The following KIAA1549L variants were observed in gnomAD, a reference collection of about 807,000 sequenced individuals.
KIAA1549L encodes UPF0606 protein KIAA1549L.
A neutral mutation model predicts 160.7 loss-of-function variants in KIAA1549L; 88 were observed. That is an observed-to-expected ratio of 0.55 (90% confidence interval 0.46 to 0.65). KIAA1549L has a LOEUF of 0.65. Among genes scored for constraint, KIAA1549L ranks in the 30% least tolerant of loss-of-function variants. KIAA1549L has a pLI of 0.00. For missense variants in KIAA1549L, 2,258 were observed against 2,437.5 expected (o/e 0.93, Z 1.55); for synonymous variants, 950 against 976.7 (o/e 0.97, Z 0.51).
chr11:33,488,776 GT>G (rs1852589127), intron 1 of KIAA1549L, among the ~76,000 whole-genome samples: 1 of 152,164 alleles, frequency 6.6e-6, no homozygotes, highest in Non-Finnish European at 1.5e-5. Flanking sequence ...ATGTGTCAGA[GT>G]TTCTCTCACC....
chr11:33,498,894 T>G (rs778737556), intron 1 of KIAA1549L, among the ~76,000 whole-genome samples: 1 of 152,188 alleles, frequency 6.6e-6, no homozygotes, highest in Non-Finnish European at 1.5e-5. Context: ...CCTAGATTTC[T>G]TCTTACGTTA....
intron 13 of KIAA1549L, among the ~76,000 whole-genome samples, chr11:33,602,011 T>G (rs1850379577): frequency 6.6e-6 from 1 of 152,196 alleles, no homozygotes; most frequent in Non-Finnish European, 1.5e-5. Context: ...TTTCTAAACA[T>G]GGAAAATATG....
chr11:33,591,167 A>G (rs1850039840), intron 11 of KIAA1549L, 70 bp from the exon 12 acceptor site: 6 of 1,157,920 alleles, frequency 5.2e-6, no homozygotes, highest in African/African-American at 3.1e-5. Context: ...GCTGCCTGTC[A>G]TCTCTTAAAG....
intron 1 of KIAA1549L, among the ~76,000 whole-genome samples, chr11:33,480,352 A>G (rs1852384048): frequency 6.6e-6 from 1 of 152,244 alleles, no homozygotes; most frequent in African/African-American, 2.4e-5. Flanking sequence ...GTGCTGTAGC[A>G]TGTATCAGAA....
intron 4 of KIAA1549L, among the ~76,000 whole-genome samples, chr11:33,550,636 A>G (rs1240965968): frequency 6.6e-6 from 1 of 152,130 alleles, no homozygotes; most frequent in African/African-American, 2.4e-5. Context: ...CACTTAATCT[A>G]TCATTTCTAC....
chr11:33,668,313 C>T lies in KIAA1549L; in HGVS notation c.*159C>T. The T allele has an allele frequency of 4.3e-6, 3 of 697,158 alleles. No homozygotes were observed. The highest frequency in any genetic ancestry group is 7.1e-6 in the Non-Finnish European group (3 of 424,872). 43.2% of individuals were successfully genotyped at this position (697,158 alleles called of 1,614,324 possible). On this transcript the variant is annotated 3_prime_UTR_variant, in exon 21 of 21. Transcript: ENST00000658780. ...CTATGGGGCTTCTGGGAACAGGAAACTCTTGAACGACTAGATTCTTGGCTC... is the reference window on the plus strand; with the variant it reads ...CTATGGGGCTTCTGGGAACAGGAAATTCTTGAACGACTAGATTCTTGGCTC...
intron 16 of KIAA1549L, among the ~76,000 whole-genome samples, chr11:33,644,525 C>T (rs1372075678): frequency 1.3e-5 from 2 of 152,240 alleles, no homozygotes; most frequent in South Asian, 2.1e-4. Flanking sequence ...ATGATGATGA[C>T]AGCAACTAGT....
At chr11:33,625,276 T>G (rs1564929674) in intron 16 of KIAA1549L, among the ~76,000 whole-genome samples, 1 of 152,064 alleles carries the variant, frequency 6.6e-6, no homozygotes. Context: ...ATATACCCAG[T>G]AATGGGATGG....
intron 1 of KIAA1549L, among the ~76,000 whole-genome samples, chr11:33,413,678 A>C (rs1047954287): frequency 2.6e-5 from 4 of 152,066 alleles, no homozygotes; most frequent in African/African-American, 9.7e-5. Context: ...TTTTTGGATA[A>C]ATTATTATTT....
intron 1 of KIAA1549L, among the ~76,000 whole-genome samples, chr11:33,488,462 C>T (rs770338405): frequency 3.9e-5 from 6 of 152,096 alleles, no homozygotes; most frequent in Non-Finnish European, 7.4e-5. Flanking sequence ...TAATTGAAGC[C>T]TCTAATTCTT....
intron 1 of KIAA1549L, among the ~76,000 whole-genome samples, chr11:33,467,651 C>T (rs1026532287): frequency 2.6e-5 from 4 of 152,222 alleles, no homozygotes; most frequent in African/African-American, 9.6e-5. Context: ...GTTTTATCTT[C>T]ACCGCTTTCT....
intron 16 of KIAA1549L, among the ~76,000 whole-genome samples, chr11:33,642,598 G>T (rs183276099): frequency 2.0e-4 from 31 of 151,724 alleles, no homozygotes; most frequent in Middle Eastern, 3.4e-3. Context: ...GAGTGGTTTG[G>T]GGGGGTGGAA....
In KIAA1549L at chr11:33,545,013, C is replaced by T; in HGVS notation, c.3020C>T (p.Thr1007Ile). The T allele has an allele frequency of 6.2e-7, 1 of 1,614,044 alleles. No individual in the cohort carries two copies. The highest frequency in any genetic ancestry group is 8.5e-7 in the Non-Finnish European group (1 of 1,179,890). ...GCAGTCCATACAGCCTTCCCATTCACACCAACCTACATGTATGCAAGAACA... is the reference window on the plus strand; with the variant it reads ...GCAGTCCATACAGCCTTCCCATTCATACCAACCTACATGTATGCAAGAACA... ...PGAVHTAFPF[T>I]PTYMYARTGH... is the part of the protein sequence containing the mutation. The change falls in exon 3 of 21, where the codon ACA (threonine) becomes ATA (isoleucine). Residue 1007 changes from threonine (T) to isoleucine (I), a missense_variant. Thr to Ile is a moderately conservative substitution (Grantham distance 89, BLOSUM62 -1). This residue lies in a region of KIAA1549L where 1,359 missense variants were observed against 1,546.6 expected (regional missense o/e 0.88). Coordinates refer to ENST00000658780, the MANE Select transcript of KIAA1549L (RefSeq NM_012194.3).
At chr11:33,434,763 G>A (rs921027621) in intron 1 of KIAA1549L, among the ~76,000 whole-genome samples, 2 of 152,210 alleles carry the variant, frequency 1.3e-5, no homozygotes, top group Admixed American at 1.3e-4. Flanking sequence ...GGGGCCAAAT[G>A]TAGCAACTTA....
At chr11:33,572,924 G>A (rs1855314063) in intron 9 of KIAA1549L, among the ~76,000 whole-genome samples, 1 of 152,206 alleles carries the variant, frequency 6.6e-6, no homozygotes. Context: ...AAACAGACAG[G>A]TGTTCCAGTT....
intron 1 of KIAA1549L, among the ~76,000 whole-genome samples, chr11:33,540,656 T>C (rs149429586): frequency 0.017 from 2,591 of 152,318 alleles, 37 homozygotes; most frequent in Non-Finnish European, 0.029. Context: ...AAGGAGGGCA[T>C]GCATTTTAAT....
chr11:33,593,914 A>G (rs989209919), intron 12 of KIAA1549L, among the ~76,000 whole-genome samples: 1 of 152,156 alleles, frequency 6.6e-6, no homozygotes, highest in Non-Finnish European at 1.5e-5. Flanking sequence ...AGAATCACCT[A>G]GGAGAGTACA....
intron 1 of KIAA1549L, among the ~76,000 whole-genome samples, chr11:33,397,740 AC>A (rs1850412445): frequency 6.6e-6 from 1 of 151,138 alleles, no homozygotes; most frequent in African/African-American, 2.4e-5. Context: ...ACACACACAC[AC>A]ACACACACAC....
At chr11:33,520,157 G>T (rs1360134071) in intron 1 of KIAA1549L, among the ~76,000 whole-genome samples, 4 of 151,574 alleles carry the variant, frequency 2.6e-5, no homozygotes, top group Admixed American at 2.6e-4. Context: ...ATAACATAAA[G>T]ATCTAGCGAA....
Sources: allele counts gnomAD v4.1 joint callset (sites outside exome capture counted in the v4.1 genomes callset), GRCh38; gene constraint gnomAD v4.1.1; regional missense constraint gnomAD v4.1.1; transcripts MANE v1.5; gene names NCBI Gene and HGNC (gene_info 2026-07-23, HGNC 2026-07-21).